FAR2: variants seen among roughly 807,000 people sequenced by gnomAD.
The protein encoded by FAR2 is fatty acyl-CoA reductase 2.
A neutral mutation model predicts 56.0 loss-of-function variants in FAR2; 19 were observed. The ratio of observed to expected loss-of-function variants is 0.34; its 90% CI spans 0.24 to 0.50. FAR2 has a LOEUF of 0.50. Among genes scored for constraint, FAR2 ranks in the 20% least tolerant of loss-of-function variants. The pLI is 0.98. For missense variants in FAR2, 508 were observed against 642.2 expected (o/e 0.79, Z 2.26); for synonymous variants, 219 against 218.8 (o/e 1.00, Z -0.01).
chr12:29,194,521 C>CACACACA (rs1950128924), intron 1 of FAR2, among the ~76,000 whole-genome samples: 1 of 140,792 alleles, frequency 7.1e-6, no homozygotes, highest in African/African-American at 2.7e-5. Context: ...GCTAGTGATG[C>CACACACA]CACACACACA....
chr12:29,212,172 A>G (rs35776525), intron 1 of FAR2, among the ~76,000 whole-genome samples: 278 of 152,270 alleles, frequency 1.8e-3, no homozygotes, highest in Non-Finnish European at 2.6e-3. Flanking sequence ...TACCAATAAA[A>G]TTATATGAAT....
rs749206382 is a variant in FAR2 at position 29,334,249 on chromosome 12, T to A, written c.*455T>A. 2.6e-5 allele frequency: 4 copies of A among 152,296 alleles called. No individual in the cohort carries two copies. The highest frequency in any genetic ancestry group is 4.4e-5 in the Non-Finnish European group (3 of 68,172). 9.4% of individuals were successfully genotyped at this position (152,296 alleles called of 1,614,324 possible). On this transcript the variant is annotated 3_prime_UTR_variant, in exon 12 of 12. Coordinates refer to ENST00000536681, the MANE Select transcript of FAR2 (RefSeq NM_001271783.2). The stretch of plus-strand genomic sequence containing the variant: ...ATGAGTAAAAGGAGAATGGTCTCAA[T>A]ATCCTCAAAAATGCAGTAAGAGAAG...
In FAR2 at chr12:29,232,792, AACAC is replaced by A. The variant is rs149919184; in HGVS notation, c.-38-37606_-38-37603del. Among the ~76,000 whole-genome samples the A allele has an allele frequency of 3.3e-3, 483 of 148,194 alleles. 2 individuals are homozygous for A. The highest frequency in any genetic ancestry group is 0.011 in the African/African-American group (455 of 39,696). ...CCACACTGATTCAGGTGACCCAACAAACACACACACACACACATACGCGCTCGCG... is the reference window on the plus strand; with the variant it reads ...CCACACTGATTCAGGTGACCCAACAAACACACACACACATACGCGCTCGCG... On this transcript the variant is annotated intron_variant, in intron 1 of 11. Transcript: ENST00000536681.
chr12:29,239,217 G>T (rs1947986410), intron 1 of FAR2, among the ~76,000 whole-genome samples: 1 of 152,132 alleles, frequency 6.6e-6, no homozygotes, highest in Non-Finnish European at 1.5e-5. Flanking sequence ...CACGGAGTGA[G>T]TCACTAGGGT....
At chr12:29,196,056 T>A (rs1950141054) in intron 1 of FAR2, among the ~76,000 whole-genome samples, 1 of 152,196 alleles carries the variant, frequency 6.6e-6, no homozygotes, top group Non-Finnish European at 1.5e-5. Flanking sequence ...CCAAATAGTA[T>A]TCCATTGTGT....
intron 1 of FAR2, among the ~76,000 whole-genome samples, chr12:29,187,318 A>G (rs1336158982): frequency 6.6e-6 from 1 of 152,090 alleles, no homozygotes; most frequent in African/African-American, 2.4e-5. Context: ...CTCAGTTATT[A>G]AATAACGTTT....
chr12:29,284,958 T>C (rs7307441), intron 2 of FAR2, among the ~76,000 whole-genome samples: 7,867 of 151,816 alleles, frequency 0.052, 215 homozygotes, highest in East Asian at 0.071. Flanking sequence ...TCTCCTGCCT[T>C]AGCCTCCCGA....
intron 9 of FAR2, among the ~76,000 whole-genome samples, chr12:29,318,530 T>G (rs532031476): frequency 3.1e-4 from 47 of 152,188 alleles, no homozygotes; most frequent in Admixed American, 2.7e-3. Flanking sequence ...ATGGGTTGGT[T>G]TGTTGTGTGG....
intron 1 of FAR2, among the ~76,000 whole-genome samples, chr12:29,187,454 C>G (rs902920656): frequency 6.6e-6 from 1 of 151,794 alleles, no homozygotes; most frequent in African/African-American, 2.4e-5. Flanking sequence ...AGATACAAAC[C>G]TTTTAATTTT....
At chr12:29,328,042 T>G (rs1222500831) in intron 10 of FAR2, among the ~76,000 whole-genome samples, 1 of 151,912 alleles carries the variant, frequency 6.6e-6, no homozygotes, top group African/African-American at 2.4e-5. Context: ...TACAATGAAC[T>G]CAAACAAATT....
intron 1 of FAR2, among the ~76,000 whole-genome samples, chr12:29,232,424 C>T (rs893141871): frequency 6.6e-6 from 1 of 152,100 alleles, no homozygotes; most frequent in Non-Finnish European, 1.5e-5. Context: ...GTTATATTCA[C>T]CCCATTGCTT....
rs1474195892 is a variant in FAR2 at position 29,163,821 on chromosome 12, G to A, written c.-39+14414G>A. ...CATTTTATTTCAGTGTGGTAGAGAGGCAGATATTTCCACAGTTAATCACGG... is the reference window on the plus strand; with the variant it reads ...CATTTTATTTCAGTGTGGTAGAGAGACAGATATTTCCACAGTTAATCACGG... On this transcript the variant is annotated intron_variant, in intron 1 of 11. Transcript: ENST00000536681. Among the ~76,000 whole-genome samples the A allele has an allele frequency of 4.6e-5, 7 of 152,256 alleles. No homozygotes were observed. The East Asian group carries it at 1.2e-3, about 25-fold the overall frequency.
chr12:29,259,879 G>A (rs1452148464), intron 1 of FAR2, among the ~76,000 whole-genome samples: 1 of 152,008 alleles, frequency 6.6e-6, no homozygotes, highest in African/African-American at 2.4e-5. Context: ...TCTGGAGATT[G>A]TCAAAGTGAC....
chr12:29,198,947 C>A (rs1049539025), intron 1 of FAR2, among the ~76,000 whole-genome samples: 4 of 152,142 alleles, frequency 2.6e-5, no homozygotes, highest in Non-Finnish European at 5.9e-5. Context: ...AGGTGCTAGG[C>A]AAGTGGCAGA....
intron 1 of FAR2, among the ~76,000 whole-genome samples, chr12:29,203,090 C>T (rs755179592): frequency 3.3e-5 from 5 of 152,184 alleles, no homozygotes; most frequent in Non-Finnish European, 7.3e-5. Context: ...ATGGAAACGA[C>T]ATTAGAAGTG....
chr12:29,209,899 C>A (rs1368161602), intron 1 of FAR2, among the ~76,000 whole-genome samples: 1 of 152,114 alleles, frequency 6.6e-6, no homozygotes, highest in Non-Finnish European at 1.5e-5. Flanking sequence ...TACTTCATCT[C>A]ATCAGCATCA....
At chr12:29,271,824 C>G (rs537272478) in intron 2 of FAR2, among the ~76,000 whole-genome samples, 1 of 152,222 alleles carries the variant, frequency 6.6e-6, no homozygotes, top group South Asian at 2.1e-4. Flanking sequence ...TTGCAATAAC[C>G]CTGTGAAGTA....
chr12:29,203,414 G>T (rs946083861), intron 1 of FAR2, among the ~76,000 whole-genome samples: 1 of 152,164 alleles, frequency 6.6e-6, no homozygotes, highest in Non-Finnish European at 1.5e-5. Context: ...ATAATTCTTG[G>T]TTTTTGGTAC....
At chr12:29,253,719 A>G (rs1196724950) in intron 1 of FAR2, among the ~76,000 whole-genome samples, 1 of 152,132 alleles carries the variant, frequency 6.6e-6, no homozygotes, top group South Asian at 2.1e-4. Flanking sequence ...GTGGTTCTCA[A>G]TATCATTTTA....
Sources: gnomAD v4.1 joint callset for allele counts (sites outside exome capture counted in the v4.1 genomes callset) on GRCh38, gnomAD v4.1.1 for gene constraint, MANE v1.5 for transcripts, NCBI Gene and HGNC (gene_info 2026-07-23, HGNC 2026-07-21) for gene names.